ARFGEF1: variants seen among roughly 807,000 people sequenced by gnomAD.
The protein encoded by ARFGEF1 is ARF guanine nucleotide exchange factor 1.
ARFGEF1 carries 42 observed loss-of-function variants against 231.0 expected under a neutral mutation model. The ratio of observed to expected loss-of-function variants is 0.18; its 90% confidence interval spans 0.14 to 0.24. The LOEUF (loss-of-function observed/expected upper bound fraction) is 0.24. Among genes scored for constraint, ARFGEF1 ranks in the 10% least tolerant of loss-of-function variants. The pLI, the probability that ARFGEF1 is intolerant of heterozygous loss-of-function variation, is 1.00. For missense variants in ARFGEF1, 1,345 were observed against 2,192.0 expected, an observed-to-expected ratio of 0.61 and a Z score of 7.72; for synonymous variants, 710 against 732.3, an observed-to-expected ratio of 0.97 and a Z score of 0.49.
At chr8:67,211,425 A>C in intron 34 of ARFGEF1, 58 bp downstream of exon 34, 1 of 1,364,542 alleles carries the variant, frequency 7.3e-7, no homozygotes. Flanking sequence ...AAAACCAAAA[A>C]TGTTAACCCT....
At chr8:67,253,417 G>A in intron 18 of ARFGEF1, 34 bp downstream of exon 18, 1 of 1,442,888 alleles carries the variant, frequency 6.9e-7, no homozygotes, top group African/African-American at 1.4e-5. Context: ...TTTTCCCCTT[G>A]AACAATCAGA....
At chr8:67,290,073 G>A (rs1229438012) in intron 6 of ARFGEF1, among the ~76,000 whole-genome samples, 1 of 152,214 alleles carries the variant, frequency 6.6e-6, no homozygotes, top group African/African-American at 2.4e-5. Context: ...GTAAGTGACA[G>A]AGGTGTGCTC....
chr8:67,268,056 G>A (rs920048619), intron 10 of ARFGEF1, among the ~76,000 whole-genome samples: 3 of 152,118 alleles, frequency 2.0e-5, no homozygotes, highest in African/African-American at 7.2e-5. Flanking sequence ...CAATTTAACA[G>A]ATAAGAATTT....
At chr8:67,310,779 C>T in intron 1 of ARFGEF1, among the ~76,000 whole-genome samples, 1 of 151,374 alleles carries the variant, frequency 6.6e-6, no homozygotes, top group Admixed American at 6.6e-5. Context: ...AGCGTCTCTG[C>T]CCGGCTGCCC....
intron 1 of ARFGEF1, 47 bp downstream of exon 1, chr8:67,343,117 C>A: frequency 8.8e-7 from 1 of 1,141,866 alleles, no homozygotes; most frequent in Non-Finnish European, 1.2e-6. Context: ...GCCCCCCTCC[C>A]CGCCCCACAA....
chr8:67,292,277 A>G (rs1806041738), intron 5 of ARFGEF1, among the ~76,000 whole-genome samples, 154 bp from the exon 6 acceptor site: 1 of 152,166 alleles, frequency 6.6e-6, no homozygotes, highest in Non-Finnish European at 1.5e-5. Context: ...ACTATACTAA[A>G]AACAATGAAC....
chr8:67,238,139 G>C (rs1027861085), intron 22 of ARFGEF1, among the ~76,000 whole-genome samples: 2 of 152,158 alleles, frequency 1.3e-5, no homozygotes, highest in Non-Finnish European at 2.9e-5. Flanking sequence ...AACAACCAGA[G>C]AGAAGCCTGA....
intron 9 of ARFGEF1, among the ~76,000 whole-genome samples, chr8:67,272,743 G>C (rs922699343): frequency 6.6e-6 from 1 of 152,022 alleles, no homozygotes; most frequent in Middle Eastern, 3.2e-3. Flanking sequence ...ACTAATTCAA[G>C]CTTACTTTTT....
intron 1 of ARFGEF1, among the ~76,000 whole-genome samples, chr8:67,318,000 G>A (rs1479374919): frequency 6.6e-6 from 1 of 151,892 alleles, no homozygotes; most frequent in Non-Finnish European, 1.5e-5. Flanking sequence ...CACTTTGGGA[G>A]GCTGAGGTGG....
At chr8:67,203,553 T>C (rs995064285) in intron 35 of ARFGEF1, among the ~76,000 whole-genome samples, 2 of 152,212 alleles carry the variant, frequency 1.3e-5, no homozygotes, top group East Asian at 3.9e-4. Context: ...AATTATTCTC[T>C]TTCACAACCC....
chr8:67,199,292 T>A, intron 38 of ARFGEF1, 194 bp from the exon 39 acceptor site: 1 of 527,038 alleles, frequency 1.9e-6, no homozygotes, highest in Non-Finnish European at 3.2e-6. Context: ...ACTATTCACT[T>A]ACATATCCTT....
In ARFGEF1 at chr8:67,284,472, AC is replaced by A. The variant is rs963863777; in HGVS notation, c.1027+3482del. Among the ~76,000 whole-genome samples the A allele has an allele frequency of 5.3e-5, 8 of 152,194 alleles. No homozygotes were observed. In the East Asian group the frequency reaches 9.6e-4, roughly 18 times the overall value. On this transcript the variant is annotated intron_variant, in intron 7 of 38. Coordinates refer to ENST00000262215, the MANE Select transcript of ARFGEF1 (RefSeq NM_006421.5). ...GTAAATATTCTTCATATTTAAAAAAACGAACCAATAAAATAATACAAGTAAC... is the reference window on the plus strand; with the variant it reads ...GTAAATATTCTTCATATTTAAAAAAAGAACCAATAAAATAATACAAGTAAC...
At chr8:67,275,576 A>G (rs761141701) in intron 9 of ARFGEF1, among the ~76,000 whole-genome samples, 2 of 152,096 alleles carry the variant, frequency 1.3e-5, no homozygotes, top group African/African-American at 4.8e-5. Context: ...ACAGGGTTAC[A>G]TTAGCTCCAA....
In ARFGEF1 at chr8:67,287,979, C is replaced by T. The variant is rs776280671; in HGVS notation, c.1003G>A (p.Glu335Lys). Reference protein sequence around the residue: ...PQDIVQNIVEEMVNIVVGDMG... With the variant: ...PQDIVQNIVEKMVNIVVGDMG... ...CCTCCAACAACAATGTTCACCATTTCTTCTACAATGTTCTGTACAATGTCT... is the reference window on the plus strand; with the variant it reads ...CCTCCAACAACAATGTTCACCATTTTTTCTACAATGTTCTGTACAATGTCT... The change falls in exon 7 of 39, where the codon GAA (glutamate) becomes AAA (lysine). Residue 335 changes from glutamate to lysine, a missense_variant. Physicochemically the swap from Glu to Lys is moderately conservative, Grantham distance 56. Coordinates refer to ENST00000262215, the MANE Select transcript of ARFGEF1 (RefSeq NM_006421.5). 6.3e-7 allele frequency: 1 copy of T among 1,594,558 alleles called. No individual in the cohort carries two copies. Among genetic ancestry groups the T allele is most frequent in the South Asian group, 1.2e-5 (1 of 86,866 alleles).
Position 67,211,609 on chromosome 8 carries a change from T to C in ARFGEF1, c.4693A>G (p.Ile1565Val), listed in dbSNP as rs1338593829. ...TGAATATCTACAGACTTCTGTGATA[T>C]TGTATCCTAATAAATAAAAAAAAAA... ...SPVSEKPLDT[I>V]SQKSVDIHDS... Residue 1565 changes from isoleucine (I) to valine (V), a missense_variant, in exon 34 of 39, where the codon ATA becomes GTA. Transcript: ENST00000262215. The C allele has an allele frequency of 4.1e-6, 6 of 1,471,614 alleles. No homozygotes were observed. The highest frequency in any genetic ancestry group is 2.4e-5 in the East Asian group (1 of 41,596). 91.2% of individuals were successfully genotyped at this position (1,471,614 alleles called of 1,614,324 possible).
At chr8:67,206,126 G>A (rs914818116) in intron 34 of ARFGEF1, among the ~76,000 whole-genome samples, 37 of 151,794 alleles carry the variant, frequency 2.4e-4, no homozygotes, top group South Asian at 4.1e-4. Flanking sequence ...AAGTTAAGCC[G>A]GGGCCGGGTG....
rs1299695735 is a variant in ARFGEF1, at chr8:67,288,016, C to A, written c.966G>T (p.Glu322Asp). Reference sequence around the variant, plus strand: ...TCTGTACAATGTCTTGTGGCTTTTCCTCACAATCATGGTTTTCTCCGTCAT... The same window carrying A: ...TCTGTACAATGTCTTGTGGCTTTTCATCACAATCATGGTTTTCTCCGTCAT... ...VLYDGENHDC[E>D]EKPQDIVQNI... is the part of the protein sequence containing the mutation. The change falls in exon 7 of 39, where the codon GAG (glutamate) becomes GAT (aspartate). Residue 322 changes from glutamate (E) to aspartate (D), a missense_variant. Coordinates refer to ENST00000262215, the MANE Select transcript of ARFGEF1 (RefSeq NM_006421.5). 1.9e-6 allele frequency: 3 copies of A among 1,608,188 alleles called. No homozygotes were observed. The Admixed American group carries it at 5.1e-5, about 27-fold the overall frequency.
downstream of ARFGEF1, chr8:67,195,505 T>C (rs1266258833): frequency 1.2e-6 from 2 of 1,614,224 alleles, no homozygotes; most frequent in Admixed American, 1.7e-5. Context: ...AAACGTTTCA[T>C]GGCAGAGCAG....
chr8:67,330,257 ACAATT>A (rs748424322), intron 1 of ARFGEF1, among the ~76,000 whole-genome samples: 20 of 152,252 alleles, frequency 1.3e-4, no homozygotes, highest in Admixed American at 4.6e-4. Flanking sequence ...CATAAGGAAA[ACAATT>A]CAATAAAGGT....
Sources: gnomAD v4.1 joint callset for allele counts (sites outside exome capture counted in the v4.1 genomes callset) on GRCh38, gnomAD v4.1.1 for gene constraint, MANE v1.5 for transcripts, NCBI Gene and HGNC (gene_info 2026-07-23, HGNC 2026-07-21) for gene names.